The following PTPRK variants were observed in gnomAD, a reference collection of about 807,000 sequenced individuals.
PTPRK encodes the protein protein tyrosine phosphatase receptor type K, also known as receptor-type tyrosine-protein phosphatase kappa.
PTPRK carries 75 observed loss-of-function variants against 178.0 expected under a neutral mutation model. The observed-to-expected ratio is 0.42, with a 90% CI of 0.35 to 0.51. The LOEUF (loss-of-function observed/expected upper bound fraction) is 0.51, where lower values mean the gene tolerates loss of function less well. PTPRK is among the 20% of genes least tolerant of loss of function. The pLI, the probability that PTPRK is intolerant of heterozygous loss-of-function variation, is 0.02. For missense variants in PTPRK, 1,441 were observed against 1,797.8 expected (o/e 0.80, Z 3.59); for synonymous variants, 637 against 620.6 (o/e 1.03, Z -0.39).
intron 2 of PTPRK, among the ~76,000 whole-genome samples, chr6:128,389,638 T>C (rs555809358): frequency 1.4e-4 from 22 of 151,994 alleles, no homozygotes; most frequent in Non-Finnish European, 2.9e-4. Context: ...AAGGTATATG[T>C]TAAAGGTGAC....
At chr6:128,072,384 AG>A (rs1187051481) in intron 11 of PTPRK, among the ~76,000 whole-genome samples, 2 of 151,998 alleles carry the variant, frequency 1.3e-5, no homozygotes, top group Non-Finnish European at 2.9e-5. Context: ...CCCACTGAAC[AG>A]CATAGCTTAG....
rs148944561 is a variant in PTPRK, at chr6:128,520,073, C to T, written c.100+186G>A. Among the ~76,000 whole-genome samples, 625 of 152,286 alleles carry T rather than the reference C, an allele frequency of 4.1e-3. 2 individuals carry two copies. The highest frequency in any genetic ancestry group is 0.014 in the African/African-American group (584 of 41,570). ...GCCCCGAGCAAGCTTCGGAGAGGAA[C>T]AATGGGTGCCCCGCGTCCCACCTGG... On this transcript the variant is annotated intron_variant, in intron 1 of 29. Transcript: ENST00000368226.
At chr6:128,207,747 G>T (rs1583484430) in intron 6 of PTPRK, among the ~76,000 whole-genome samples, 1 of 152,176 alleles carries the variant, frequency 6.6e-6, no homozygotes, top group Non-Finnish European at 1.5e-5. Context: ...ACAAAAGAGG[G>T]ATTTAAAGTT....
intron 13 of PTPRK, among the ~76,000 whole-genome samples, chr6:128,014,908 C>G (rs143561480): frequency 6.6e-6 from 1 of 151,570 alleles, no homozygotes; most frequent in African/African-American, 2.4e-5. Flanking sequence ...AGAGATTTTA[C>G]TGGTGAGAAA....
chr6:128,351,314 T>C (rs1350003871), intron 2 of PTPRK, among the ~76,000 whole-genome samples: 2 of 152,134 alleles, frequency 1.3e-5, no homozygotes, highest in Non-Finnish European at 2.9e-5. Context: ...GTGTGTACTA[T>C]GTGGTAGAAA....
At chr6:128,199,989 G>T (rs1048684110) in intron 6 of PTPRK, among the ~76,000 whole-genome samples, 1 of 152,112 alleles carries the variant, frequency 6.6e-6, no homozygotes, top group African/African-American at 2.4e-5. Flanking sequence ...AGCCATCTTT[G>T]TATGTTACAT....
chr6:128,283,006 G>A (rs1583887528), intron 3 of PTPRK, among the ~76,000 whole-genome samples: 2 of 152,100 alleles, frequency 1.3e-5, no homozygotes, highest in African/African-American at 4.8e-5. Flanking sequence ...ACAAGAAAGG[G>A]TGGTGCCTTC....
intron 1 of PTPRK, among the ~76,000 whole-genome samples, chr6:128,470,648 G>T (rs1850500682): frequency 6.7e-6 from 1 of 150,212 alleles, no homozygotes; most frequent in African/African-American, 2.4e-5. Context: ...GACAAAAAAA[G>T]AAATCAATAT....
chr6:128,308,321 A>C (rs922793231), intron 3 of PTPRK, among the ~76,000 whole-genome samples: 1 of 152,028 alleles, frequency 6.6e-6, no homozygotes, highest in African/African-American at 2.4e-5. Context: ...AGAAACTTTT[A>C]GGAAGTACTG....
chr6:128,278,286 A>G (rs1821094787), intron 3 of PTPRK, among the ~76,000 whole-genome samples: 1 of 151,946 alleles, frequency 6.6e-6, no homozygotes, highest in Non-Finnish European at 1.5e-5. Context: ...CCTCCCAAGT[A>G]GCTGGGATTA....
chr6:128,510,423 T>C (rs998865851), intron 1 of PTPRK, among the ~76,000 whole-genome samples: 4 of 152,224 alleles, frequency 2.6e-5, no homozygotes, highest in African/African-American at 9.6e-5. Flanking sequence ...CTCTTCCTAA[T>C]ATCCCATGTT....
chr6:128,507,277 C>T (rs1856513829), intron 1 of PTPRK, among the ~76,000 whole-genome samples: 1 of 152,044 alleles, frequency 6.6e-6, no homozygotes, highest in Non-Finnish European at 1.5e-5. Flanking sequence ...ATTTTTGAAC[C>T]TTGGGTATAT....
At chr6:127,990,619 G>C (rs1776497003) in intron 21 of PTPRK, 150 bp downstream of exon 21, 3 of 608,160 alleles carry the variant, frequency 4.9e-6, no homozygotes, top group Non-Finnish European at 8.8e-6. Flanking sequence ...AAACATGTCT[G>C]GCACATAGTA....
intron 14 of PTPRK, among the ~76,000 whole-genome samples, chr6:128,006,631 A>C (rs1252124787): frequency 6.6e-6 from 1 of 151,060 alleles, no homozygotes; most frequent in East Asian, 1.9e-4. Flanking sequence ...ATGCATGTGA[A>C]CATGATATCA....
At chr6:128,349,166 G>A (rs2128336105) in intron 2 of PTPRK, among the ~76,000 whole-genome samples, 1 of 152,190 alleles carries the variant, frequency 6.6e-6, no homozygotes, top group East Asian at 1.9e-4. Flanking sequence ...ACACTTCACT[G>A]TCAACCTAGA....
intron 1 of PTPRK, among the ~76,000 whole-genome samples, chr6:128,464,658 T>TACATATAC (rs536080208): frequency 1.7e-5 from 2 of 116,652 alleles, no homozygotes; most frequent in Non-Finnish European, 3.6e-5. Flanking sequence ...TATATATATA[T>TACATATAC]ATATATATAT....
intron 11 of PTPRK, among the ~76,000 whole-genome samples, chr6:128,074,226 G>C (rs1163147042): frequency 6.6e-6 from 1 of 151,994 alleles, no homozygotes; most frequent in Admixed American, 6.6e-5. Flanking sequence ...AGAATGGGTA[G>C]CTTCCTGCAG....
chr6:128,004,458 C>T (rs954203611), intron 15 of PTPRK, among the ~76,000 whole-genome samples: 9 of 151,754 alleles, frequency 5.9e-5, no homozygotes, highest in Admixed American at 3.9e-4. Flanking sequence ...GCCTTGCCTT[C>T]ATAGACCAAC....
intron 14 of PTPRK, among the ~76,000 whole-genome samples, chr6:128,008,852 T>C (rs1056976256): frequency 2.0e-5 from 3 of 151,108 alleles, no homozygotes; most frequent in Non-Finnish European, 4.5e-5. Context: ...AGATAAATGA[T>C]CTCAAGTACC....
Sources: allele counts gnomAD v4.1 joint callset (sites outside exome capture counted in the v4.1 genomes callset), GRCh38; gene constraint gnomAD v4.1.1; transcripts MANE v1.5; gene names NCBI Gene and HGNC (gene_info 2026-07-23, HGNC 2026-07-21).